The following PARP9 variants were observed in gnomAD, a reference collection of about 807,000 sequenced individuals.
PARP9 encodes protein mono-ADP-ribosyltransferase PARP9.
Under a neutral mutation model 68.8 loss-of-function variants are expected in PARP9, and 48 were observed. The observed-to-expected ratio is 0.70, with a 90% CI of 0.55 to 0.89. PARP9 has a LOEUF of 0.89. Among genes scored for constraint, PARP9 ranks in the 40% least tolerant of loss-of-function variants. The probability of loss-of-function intolerance (pLI) is 0.00; values close to 1 mark genes in which losing one functional copy is unlikely to be tolerated. For synonymous variants in PARP9, 309 were observed against 333.8 expected (o/e 0.93, Z 0.81); for missense variants, 806 against 969.3 (o/e 0.83, Z 2.24).
In PARP9 at chr3:122,555,988, G is replaced by C; in HGVS notation, c.183C>G (p.Val61=). ...QNKFGCISTL[V]SPVQEGNSKS... ...TGCTGTTGCCTTCCTGAACTGGAGA[G>C]ACCAGGGTAGAGATACAGCCAAACT... is the stretch of plus-strand genomic sequence containing the variant. The change falls in exon 4 of 11, where the codon GTC becomes GTG. Residue 61 remains valine (V), a synonymous_variant. Transcript: ENST00000682323. 2 of 1,613,918 alleles carry C rather than the reference G, an allele frequency of 1.2e-6. No individual in the cohort carries two copies.
At chr3:122,555,211 T>G in intron 4 of PARP9, 75 bp downstream of exon 4, 3 of 1,365,776 alleles carry the variant, frequency 2.2e-6, no homozygotes, top group African/African-American at 1.5e-5. Flanking sequence ...TAGTGTTGCA[T>G]AGTGTACACT....
chr3:122,537,896 G>A (rs1035232288), intron 8 of PARP9, among the ~76,000 whole-genome samples: 8 of 151,072 alleles, frequency 5.3e-5, no homozygotes, highest in African/African-American at 2.0e-4. Flanking sequence ...TTGTCCAAGG[G>A]AGCTCCTTAC....
At chr3:122,539,224 T>A (rs2077894936) in intron 8 of PARP9, among the ~76,000 whole-genome samples, 2 of 152,196 alleles carry the variant, frequency 1.3e-5, no homozygotes, top group African/African-American at 4.8e-5. Context: ...CTACCTATTA[T>A]CCAGTTCTCC....
chr3:122,537,986 C>A (rs73192104), intron 8 of PARP9, among the ~76,000 whole-genome samples: 2,923 of 152,224 alleles, frequency 0.019, 83 homozygotes, highest in East Asian at 0.12. Context: ...TGACTTAAGA[C>A]CAAGTATACT....
At chr3:122,536,425 G>A in intron 9 of PARP9, 83 bp from the exon 10 acceptor site, 1 of 1,533,130 alleles carries the variant, frequency 6.5e-7, no homozygotes, top group Middle Eastern at 1.8e-4. Flanking sequence ...CAAAAATAAA[G>A]GAGCTTATGT....
intron 8 of PARP9, among the ~76,000 whole-genome samples, chr3:122,538,212 G>A (rs2077800718): frequency 6.8e-6 from 1 of 147,906 alleles, no homozygotes; most frequent in Non-Finnish European, 1.5e-5. Flanking sequence ...TATTTATAAG[G>A]TGTAATATTA....
intron 4 of PARP9, among the ~76,000 whole-genome samples, chr3:122,554,789 A>T (rs1305728018): frequency 6.6e-6 from 1 of 152,146 alleles, no homozygotes; most frequent in Non-Finnish European, 1.5e-5. Context: ...CCTGGCAGGA[A>T]TCACTGCAGC....
chr3:122,564,559 A>T (rs200536502), upstream of PARP9: 58 of 1,608,722 alleles, frequency 3.6e-5, no homozygotes, highest in Non-Finnish European at 4.6e-5. Flanking sequence ...CACGGTCAGC[A>T]CCCAGGAACA....
chr3:122,533,730 C>T, intron 10 of PARP9: 2 of 985,350 alleles, frequency 2.0e-6, no homozygotes, highest in Non-Finnish European at 2.4e-6. Context: ...TGCCTTCTTG[C>T]TGCACTCAAC....
chr3:122,528,601 C>T lies in PARP9; in HGVS notation c.2223G>A (p.Pro741=), dbSNP rs755622009. 1.5e-5 allele frequency: 24 copies of T among 1,613,994 alleles called. No individual in the cohort carries two copies. Among genetic ancestry groups the T allele is most frequent in the African/African-American group, 5.3e-5 (4 of 74,896 alleles). ...TCAGTGGTGGGGGAACAATATTTAA[C>T]GGATGTCCCTGGCAGAAGAAGCCTG... The part of the protein sequence containing the change: ...VLTGFFCQGH[P]LNIVPPPLSP... Residue 741 remains proline (P), a synonymous_variant, in exon 11 of 11, where the codon CCG becomes CCA. Transcript: ENST00000682323.
intron 6 of PARP9, among the ~76,000 whole-genome samples, chr3:122,550,052 G>C (rs2079073434): frequency 6.6e-6 from 1 of 152,142 alleles, no homozygotes. Context: ...TAGGTAGTGG[G>C]TAAACATGGC....
chr3:122,532,003 G>T, intron 10 of PARP9: 2 of 372,446 alleles, frequency 5.4e-6, no homozygotes, highest in Non-Finnish European at 7.4e-6. Context: ...TCAAGAGGGG[G>T]CAGAACAATG....
intron 3 of PARP9, among the ~76,000 whole-genome samples, chr3:122,557,990 A>G (rs1559877342): frequency 6.6e-6 from 1 of 152,224 alleles, no homozygotes; most frequent in Non-Finnish European, 1.5e-5. Context: ...TTCTAATCTG[A>G]GTCTCCTAGA....
chr3:122,558,534 A>G (rs1210359292), intron 2 of PARP9, 67 bp from the exon 3 acceptor site: 2 of 1,567,092 alleles, frequency 1.3e-6, no homozygotes, highest in Non-Finnish European at 1.7e-6. Flanking sequence ...CTGATAACCA[A>G]TACACCCTAG....
intron 8 of PARP9, 117 bp downstream of exon 8, chr3:122,540,355 T>C (rs779682841): frequency 1.6e-4 from 203 of 1,283,538 alleles, no homozygotes; most frequent in Non-Finnish European, 2.1e-4. Context: ...AGAACCAGAA[T>C]GTTTGATCCC....
chr3:122,534,455 T>A, intron 10 of PARP9: 1 of 984,728 alleles, frequency 1.0e-6, no homozygotes, highest in Non-Finnish European at 1.2e-6. Context: ...ATAAGTGGTG[T>A]GAGCCAGTGG....
At chr3:122,538,890 A>C (rs1001167036) in intron 8 of PARP9, among the ~76,000 whole-genome samples, 10 of 151,288 alleles carry the variant, frequency 6.6e-5, no homozygotes, top group African/African-American at 2.4e-4. Context: ...TTTCTGTGGG[A>C]TGTAAATACA....
chr3:122,537,022 A>T lies in PARP9; in HGVS notation c.1817T>A (p.Ile606Asn), dbSNP rs111390808. The T allele has an allele frequency of 4.2e-5, 68 of 1,612,482 alleles. 1 individual carries two copies. The African/African-American group carries it at 7.8e-4, about 19-fold the overall frequency. ...AGGCACAGGACATTTCAGAAATATG[A>T]TATTTTCTTTCATTTCGTCTTGGGT... The part of the protein sequence containing the change: ...QKTQDEMKEN[I>N]IFLKCPVPPT... The change falls in exon 9 of 11, where the codon ATC (isoleucine) becomes AAC (asparagine). Residue 606 changes from isoleucine to asparagine, a missense_variant. By Grantham distance (149) the Ile-to-Asn change is moderately radical (BLOSUM62 -3). Coordinates refer to ENST00000682323, the MANE Select transcript of PARP9 (RefSeq NM_001146105.2).
intron 1 of PARP9, among the ~76,000 whole-genome samples, chr3:122,563,138 C>T (rs1421259932): frequency 3.9e-5 from 6 of 152,162 alleles, no homozygotes; most frequent in African/African-American, 2.4e-5. Flanking sequence ...CGGTTGTCAG[C>T]ACCATATTTC....
Sources: gnomAD v4.1 joint callset for allele counts (sites outside exome capture counted in the v4.1 genomes callset) on GRCh38, gnomAD v4.1.1 for gene constraint, MANE v1.5 for transcripts, NCBI Gene and HGNC (gene_info 2026-07-23, HGNC 2026-07-21) for gene names.